The following SASH1 variants were observed in gnomAD, a reference collection of about 807,000 sequenced individuals.
SASH1 encodes the protein SAM and SH3 domain-containing protein 1.
SASH1 carries 44 observed loss-of-function variants against 125.2 expected under a neutral mutation model. The ratio of observed to expected loss-of-function variants is 0.35; its 90% CI spans 0.28 to 0.45. The LOEUF is 0.45. Ranked by LOEUF, SASH1 falls within the 20% of genes least tolerant of loss-of-function variation. SASH1 has a pLI of 1.00. For synonymous variants in SASH1, 639 were observed against 649.1 expected, an observed-to-expected ratio of 0.98 and a Z score of 0.24; for missense variants, 1,426 against 1,614.5, an observed-to-expected ratio of 0.88 and a Z score of 2.00.
intron 1 of SASH1, among the ~76,000 whole-genome samples, chr6:148,300,749 C>T (rs561070249): frequency 6.6e-6 from 1 of 152,208 alleles, no homozygotes; most frequent in East Asian, 1.9e-4. Context: ...TCCCAAAATG[C>T]TGGAATTACA....
intron 4 of SASH1, among the ~76,000 whole-genome samples, chr6:148,460,578 A>T (rs1205018748): frequency 1.3e-5 from 2 of 152,206 alleles, no homozygotes; most frequent in African/African-American, 4.8e-5. Flanking sequence ...GACTCAAGCC[A>T]TTTCCCTTGA....
chr6:148,379,604 AATCCATCC>A (rs966181555), intron 1 of SASH1, among the ~76,000 whole-genome samples: 2 of 151,882 alleles, frequency 1.3e-5, no homozygotes, highest in Non-Finnish European at 2.9e-5. Context: ...TCCATCCATC[AATCCATCC>A]ATCCATCCAT....
chr6:148,514,320 C>T lies in SASH1; in HGVS notation c.730-4C>T. 2 of 1,597,474 alleles carry T rather than the reference C, an allele frequency of 1.3e-6. No individual in the cohort carries two copies. Among genetic ancestry groups the T allele is most frequent in the South Asian group, 1.1e-5 (1 of 87,550 alleles). On this transcript the variant is annotated splice_region_variant and splice_polypyrimidine_tract_variant and intron_variant, in intron 8 of 19. Transcript: ENST00000367467. The stretch of plus-strand genomic sequence containing the variant: ...ATTAACTTTTTCCTTTGTTTCTTTG[C>T]CAGTCAAGAGAACAATCGGATGATG...
At chr6:148,257,210 G>A in the SASH1 span, among the ~76,000 whole-genome samples, 1 of 152,274 alleles carries the variant, frequency 6.6e-6, no homozygotes, top group East Asian at 1.9e-4. Context: ...ATAAGGAAGA[G>A]TCCAGTTCCG....
the SASH1 span, among the ~76,000 whole-genome samples, chr6:148,194,942 T>C: frequency 5.3e-5 from 8 of 152,232 alleles, no homozygotes; most frequent in Non-Finnish European, 7.3e-5. Flanking sequence ...GTATCTCTGA[T>C]GTCTTAAATT....
chr6:148,214,148 C>CT, the SASH1 span, among the ~76,000 whole-genome samples: 2 of 152,114 alleles, frequency 1.3e-5, no homozygotes, highest in Non-Finnish European at 2.9e-5. Flanking sequence ...TTCAGGCTGG[C>CT]TTTTTTCTGA....
intron 1 of SASH1, among the ~76,000 whole-genome samples, chr6:148,364,467 T>C (rs1270102621): frequency 2.0e-5 from 3 of 152,102 alleles, no homozygotes; most frequent in Non-Finnish European, 4.4e-5. Context: ...TGAATCAAGC[T>C]CAGCGATGGA....
At chr6:148,336,139 C>G (rs1781145479) in intron 1 of SASH1, among the ~76,000 whole-genome samples, 1 of 150,150 alleles carries the variant, frequency 6.7e-6, no homozygotes, top group South Asian at 2.1e-4. Flanking sequence ...TTGTCTTGAC[C>G]TCATTACATT....
intron 5 of SASH1, among the ~76,000 whole-genome samples, chr6:148,469,930 G>A (rs1258278133): frequency 6.6e-6 from 1 of 151,658 alleles, no homozygotes; most frequent in Non-Finnish European, 1.5e-5. Flanking sequence ...GGAGGCTGAG[G>A]CAGGAGAATC....
chr6:148,198,861 G>A, the SASH1 span, among the ~76,000 whole-genome samples: 3 of 152,196 alleles, frequency 2.0e-5, no homozygotes, highest in East Asian at 3.8e-4. Context: ...AGAATCAAAA[G>A]ATGACAATTA....
chr6:148,414,164 A>C (rs1784733126), intron 2 of SASH1, among the ~76,000 whole-genome samples: 1 of 152,202 alleles, frequency 6.6e-6, no homozygotes, highest in African/African-American at 2.4e-5. Flanking sequence ...AAGAAGCACT[A>C]AAATAATTAG....
intron 10 of SASH1, among the ~76,000 whole-genome samples, chr6:148,522,306 G>T (rs1780866873): frequency 6.7e-6 from 1 of 149,598 alleles, no homozygotes; most frequent in Admixed American, 6.7e-5. Flanking sequence ...ATTATCCAGA[G>T]AATGTAAATA....
At chr6:148,392,650 T>C (rs1783777547) in intron 2 of SASH1, among the ~76,000 whole-genome samples, 2 of 152,218 alleles carry the variant, frequency 1.3e-5, no homozygotes, top group Admixed American at 1.3e-4. Flanking sequence ...ATATCATGAC[T>C]GCCAAATATT....
chr6:148,411,722 T>C (rs1422553619), intron 2 of SASH1, among the ~76,000 whole-genome samples: 2 of 152,162 alleles, frequency 1.3e-5, no homozygotes, highest in African/African-American at 2.4e-5. Flanking sequence ...TTTTGTACTT[T>C]TAGTAGAGAC....
At chr6:148,311,020 C>T (rs564922361) in intron 1 of SASH1, among the ~76,000 whole-genome samples, 1 of 152,214 alleles carries the variant, frequency 6.6e-6, no homozygotes, top group East Asian at 1.9e-4. Flanking sequence ...CTCAAGTGAT[C>T]CTCCGGCCTC....
chr6:148,511,952 T>C (rs1290140587), intron 8 of SASH1, among the ~76,000 whole-genome samples: 2 of 152,218 alleles, frequency 1.3e-5, no homozygotes, highest in African/African-American at 4.8e-5. Context: ...CACAGCTTCT[T>C]GTATTTTGAT....
intron 1 of SASH1, among the ~76,000 whole-genome samples, chr6:148,382,318 C>A (rs1017099804): frequency 6.6e-6 from 1 of 152,164 alleles, no homozygotes; most frequent in Non-Finnish European, 1.5e-5. Flanking sequence ...GTGTGACGGT[C>A]TCGCTCTGTC....
At chr6:148,201,834 T>C in the SASH1 span, among the ~76,000 whole-genome samples, 2 of 151,872 alleles carry the variant, frequency 1.3e-5, no homozygotes, top group Admixed American at 6.6e-5. Context: ...ATAAAAGATA[T>C]GGGGATGTGC....
chr6:148,435,434 A>G (rs191404878), intron 2 of SASH1, among the ~76,000 whole-genome samples: 14 of 152,028 alleles, frequency 9.2e-5, no homozygotes, highest in Non-Finnish European at 1.9e-4. Context: ...AATAGTGAAT[A>G]CTTTTCTAAT....
Sources: allele counts gnomAD v4.1 joint callset (sites outside exome capture counted in the v4.1 genomes callset), GRCh38; gene constraint gnomAD v4.1.1; transcripts MANE v1.5; gene names NCBI Gene and HGNC (gene_info 2026-07-23, HGNC 2026-07-21).